The following WASHC5 variants were observed in gnomAD, a reference collection of about 807,000 sequenced individuals.
WASHC5 encodes WASH complex subunit strumpellin.
Under a neutral mutation model 150.4 loss-of-function variants are expected in WASHC5, and 101 were observed. That is an observed-to-expected ratio of 0.67 (90% CI 0.57 to 0.79). The LOEUF is 0.79. WASHC5 is among the 30% of genes least tolerant of loss of function. WASHC5 has a pLI of 0.00. For missense variants in WASHC5, 1,195 were observed against 1,396.3 expected (o/e 0.86, Z 2.30); for synonymous variants, 467 against 491.2 (o/e 0.95, Z 0.65).
rs1815442508 is a variant in WASHC5 at position 125,028,710 on chromosome 8, G to C, written c.3336-3C>G. The C allele has an allele frequency of 6.2e-7, 1 of 1,608,090 alleles. No homozygotes were observed. Among genetic ancestry groups the C allele is most frequent in the Non-Finnish European group, 8.5e-7 (1 of 1,174,674 alleles). ...CAGGAATTTCAGGTATCTTCTGGCTGTGATAGAGAACAGTTTAGATCAATT... is the reference window on the plus strand; with the variant it reads ...CAGGAATTTCAGGTATCTTCTGGCTCTGATAGAGAACAGTTTAGATCAATT... On this transcript the variant is annotated splice_polypyrimidine_tract_variant and splice_region_variant and intron_variant, in intron 27 of 28. Transcript: ENST00000318410.
chr8:125,077,954 T>G (rs1281797232), intron 6 of WASHC5, among the ~76,000 whole-genome samples: 2 of 152,270 alleles, frequency 1.3e-5, no homozygotes, highest in East Asian at 3.9e-4. Context: ...ACTTAACATA[T>G]TCACACAAAA....
intron 25 of WASHC5, among the ~76,000 whole-genome samples, chr8:125,037,712 G>GA (rs1815757917): frequency 6.6e-6 from 1 of 151,858 alleles, no homozygotes; most frequent in African/African-American, 2.4e-5. Context: ...GGAGAGAGAA[G>GA]AGAGAGAGAG....
At chr8:125,048,687 T>A (rs1816149289) in intron 19 of WASHC5, among the ~76,000 whole-genome samples, 1 of 152,206 alleles carries the variant, frequency 6.6e-6, no homozygotes, top group Non-Finnish European at 1.5e-5. Flanking sequence ...GTAATTCCAC[T>A]CCTCAGTATG....
intron 5 of WASHC5, among the ~76,000 whole-genome samples, chr8:125,081,323 C>T (rs1310342555): frequency 2.7e-5 from 4 of 148,090 alleles, no homozygotes; most frequent in Non-Finnish European, 4.4e-5. Context: ...CTGCAACCTT[C>T]GCCTCCCGAG....
At chr8:125,089,050 T>G (rs1166096976) in intron 1 of WASHC5, among the ~76,000 whole-genome samples, 1 of 152,200 alleles carries the variant, frequency 6.6e-6, no homozygotes, top group Non-Finnish European at 1.5e-5. Flanking sequence ...GTAATACACA[T>G]TAAGGCATAC....
intron 26 of WASHC5, among the ~76,000 whole-genome samples, chr8:125,036,289 A>C (rs1391076033): frequency 2.0e-5 from 3 of 152,236 alleles, no homozygotes; most frequent in African/African-American, 7.2e-5. Flanking sequence ...CTAAACATTA[A>C]AGAAGAGAAT....
Position 125,049,698 on chromosome 8 carries a change from G to A in WASHC5, c.2200-513C>T, listed in dbSNP as rs562166198. 1.1e-3 allele frequency among the ~76,000 whole-genome samples: 170 copies of A among 151,966 alleles called. 2 individuals are homozygous for A. The highest frequency in any genetic ancestry group is 3.5e-3 in the East Asian group (18 of 5,176). ...CCCATCAAAAATACAAAAATTAGCC[G>A]GATATGATGGCAGGCACCTATAATC... On this transcript the variant is annotated intron_variant, in intron 18 of 28. Coordinates refer to ENST00000318410, the MANE Select transcript of WASHC5 (RefSeq NM_014846.4).
chr8:125,025,154 T>TCA (rs1815340891), intron 28 of WASHC5, among the ~76,000 whole-genome samples: 1 of 152,132 alleles, frequency 6.6e-6, no homozygotes, highest in Non-Finnish European at 1.5e-5. Flanking sequence ...GAACTGTTCT[T>TCA]GGGCAAAGCC....
chr8:125,063,853 G>C (rs891772713), intron 10 of WASHC5, among the ~76,000 whole-genome samples: 64 of 152,172 alleles, frequency 4.2e-4, no homozygotes, highest in African/African-American at 1.5e-3. Context: ...CAAAACAGTA[G>C]TTCTCACACC....
chr8:125,030,002 C>A (rs1388385428), intron 27 of WASHC5, among the ~76,000 whole-genome samples: 1 of 152,176 alleles, frequency 6.6e-6, no homozygotes, highest in African/African-American at 2.4e-5. Flanking sequence ...TCCTTAGATT[C>A]CTTTGCTCTG....
intron 1 of WASHC5, among the ~76,000 whole-genome samples, chr8:125,088,676 C>T (rs1817499259): frequency 6.6e-6 from 1 of 152,070 alleles, no homozygotes; most frequent in African/African-American, 2.4e-5. Flanking sequence ...GTCCAGCCTT[C>T]AGATAAGACC....
chr8:125,061,587 G>C (rs1453349799), intron 11 of WASHC5, among the ~76,000 whole-genome samples: 5 of 152,166 alleles, frequency 3.3e-5, no homozygotes, highest in Non-Finnish European at 7.4e-5. Flanking sequence ...CCAGATGAAA[G>C]GCAGACACAG....
intron 24 of WASHC5, 69 bp from the exon 25 acceptor site, chr8:125,039,028 G>T: frequency 6.7e-7 from 1 of 1,492,458 alleles, no homozygotes; most frequent in Non-Finnish European, 9.3e-7. Context: ...TTAATATAGG[G>T]CAGTGATGTA....
intron 5 of WASHC5, among the ~76,000 whole-genome samples, chr8:125,080,348 A>C (rs1299137711): frequency 6.6e-6 from 1 of 152,206 alleles, no homozygotes; most frequent in Non-Finnish European, 1.5e-5. Context: ...AGGCCATTCA[A>C]ATCTCATTTT....
chr8:125,024,687 GAATT>G lies in WASHC5; in HGVS notation c.3424-18_3424-15del. On this transcript the variant is annotated splice_polypyrimidine_tract_variant and intron_variant, in intron 28 of 28. Transcript: ENST00000318410. ...TGCTTCAGCAACCTGAAAAATTAAA[GAATT>G]AAATTATTCATGGTGTTATAGTTGA... 1 of 1,567,792 alleles carries G rather than the reference GAATT, an allele frequency of 6.4e-7. No homozygotes were observed. The highest frequency in any genetic ancestry group is 8.8e-7 in the Non-Finnish European group (1 of 1,138,136).
intron 12 of WASHC5, among the ~76,000 whole-genome samples, chr8:125,060,877 G>A (rs534226832): frequency 5.0e-4 from 76 of 152,032 alleles, no homozygotes; most frequent in South Asian, 2.1e-3. Flanking sequence ...TTACAATATC[G>A]TAATTTTTGC....
intron 8 of WASHC5, among the ~76,000 whole-genome samples, 198 bp from the exon 9 acceptor site, chr8:125,073,522 A>G (rs1325302507): frequency 6.6e-6 from 1 of 152,120 alleles, no homozygotes; most frequent in Non-Finnish European, 1.5e-5. Flanking sequence ...TCAAACTTTA[A>G]CATTTTTATA....
At chr8:125,057,703 A>T (rs1816454499) in intron 14 of WASHC5, 37 bp from the exon 15 acceptor site, 6 of 1,289,694 alleles carry the variant, frequency 4.7e-6, no homozygotes, top group Non-Finnish European at 6.7e-6. Flanking sequence ...TTCTTGTTTC[A>T]AAAAGAGTCC....
Position 125,039,799 on chromosome 8 carries a change from TGAGA to T in WASHC5, c.2946_2949del (p.Asn982LysfsTer6). ...GTTTCAAACCCTGGCACTTACTTAT[TGAGA>T]TTCTCCAGAGCAGCTGCCAGATGTT... is the stretch of plus-strand genomic sequence containing the variant. On this transcript the variant is annotated frameshift_variant, in exon 24 of 29. Transcript: ENST00000318410. LOFTEE classifies it high-confidence loss of function. 1 of 1,608,194 alleles carries T rather than the reference TGAGA, an allele frequency of 6.2e-7. No individual in the cohort carries two copies. The highest frequency in any genetic ancestry group is 1.1e-5 in the South Asian group (1 of 90,960).
Sources: allele counts gnomAD v4.1 joint callset (sites outside exome capture counted in the v4.1 genomes callset), GRCh38; gene constraint gnomAD v4.1.1; transcripts MANE v1.5; gene names NCBI Gene and HGNC (gene_info 2026-07-23, HGNC 2026-07-21).